Variants in GTF2IRD1 observed in about 807,000 individuals in gnomAD.
GTF2IRD1 encodes the protein general transcription factor II-I repeat domain-containing protein 1.
A neutral mutation model predicts 113.2 loss-of-function variants in GTF2IRD1; 26 were observed. The observed-to-expected ratio is 0.23, with a 90% confidence interval of 0.17 to 0.32. The LOEUF (loss-of-function observed/expected upper bound fraction) is 0.32, where lower values mean the gene tolerates loss of function less well. Among genes scored for constraint, GTF2IRD1 ranks in the 10% least tolerant of loss-of-function variants. The pLI is 1.00. For missense variants in GTF2IRD1, 864 were observed against 1,280.8 expected (o/e 0.67, Z 4.97); for synonymous variants, 484 against 529.1 (o/e 0.91, Z 1.17).
chr7:74,576,469 G>C (rs1382407314), intron 22 of GTF2IRD1, among the ~76,000 whole-genome samples: 7 of 149,322 alleles, frequency 4.7e-5, no homozygotes, highest in Non-Finnish European at 8.9e-5. Context: ...GCTGAGGCAA[G>C]AGAATCCCTT....
At chr7:74,559,527 G>A in intron 21 of GTF2IRD1, 100 bp from the exon 22 acceptor site, 3 of 982,104 alleles carry the variant, frequency 3.1e-6, no homozygotes, top group Non-Finnish European at 3.1e-6. Flanking sequence ...CTGTAGGTCT[G>A]GGGTGCTCCC....
intron 22 of GTF2IRD1, among the ~76,000 whole-genome samples, chr7:74,575,868 A>T (rs1801015511): frequency 1.3e-5 from 2 of 152,102 alleles, no homozygotes; most frequent in Non-Finnish European, 2.9e-5. Context: ...TCATGAATTT[A>T]TAACTGGTAT....
intron 1 of GTF2IRD1, among the ~76,000 whole-genome samples, chr7:74,463,793 G>A (rs942687226): frequency 2.6e-5 from 4 of 151,360 alleles, no homozygotes; most frequent in African/African-American, 7.3e-5. Context: ...GCGTGATCAC[G>A]GCTCACTACA....
chr7:74,590,993 G>A lies in GTF2IRD1; in HGVS notation c.2567G>A (p.Arg856His), dbSNP rs1554369405. The change falls in exon 24 of 27, where the codon CGC becomes CAC. Residue 856 changes from arginine to histidine, a missense_variant. Coordinates refer to ENST00000424337, the MANE Select transcript of GTF2IRD1 (RefSeq NM_005685.4). ...ATCCTGAAGGCCCGAGAGCATGTCC[G>A]CATGGTCATCATTAACCAGCTCCAG... The part of the protein sequence containing the change: ...EKILKAREHV[R>H]MVIINQLQPF... 1.3e-5 allele frequency: 21 copies of A among 1,611,924 alleles called. No individual in the cohort carries two copies. Among genetic ancestry groups the A allele is most frequent in the Middle Eastern group, 1.9e-4 (1 of 5,158 alleles).
At chr7:74,473,075 G>A (rs1554332782) in intron 1 of GTF2IRD1, among the ~76,000 whole-genome samples, 2 of 152,240 alleles carry the variant, frequency 1.3e-5, no homozygotes, top group Non-Finnish European at 2.9e-5. Context: ...CCCAGGGACA[G>A]ACAGGAGAAC....
At chr7:74,522,973 A>G (rs1797378083) in intron 7 of GTF2IRD1, among the ~76,000 whole-genome samples, 1 of 152,220 alleles carries the variant, frequency 6.6e-6, no homozygotes, top group Admixed American at 6.5e-5. Flanking sequence ...AGACCAGCAG[A>G]GCTGAGAGTT....
intron 1 of GTF2IRD1, among the ~76,000 whole-genome samples, chr7:74,489,195 T>G (rs1281073241): frequency 6.6e-6 from 1 of 152,066 alleles, no homozygotes; most frequent in East Asian, 1.9e-4. Flanking sequence ...AGATGGCAGA[T>G]CTGGGGTCAT....
intron 1 of GTF2IRD1, among the ~76,000 whole-genome samples, chr7:74,503,882 A>G (rs1412044802): frequency 6.6e-6 from 1 of 152,112 alleles, no homozygotes; most frequent in Non-Finnish European, 1.5e-5. Flanking sequence ...AGCACCCAAT[A>G]AGTCGTTTTT....
chr7:74,532,772 G>A (rs993241042), intron 9 of GTF2IRD1, among the ~76,000 whole-genome samples: 7 of 152,108 alleles, frequency 4.6e-5, no homozygotes, highest in Non-Finnish European at 4.4e-5. Context: ...TTGCACCCCC[G>A]GCTCTGCCTC....
intron 22 of GTF2IRD1, among the ~76,000 whole-genome samples, chr7:74,579,789 G>A (rs1583944569): frequency 6.6e-6 from 1 of 152,096 alleles, no homozygotes; most frequent in Non-Finnish European, 1.5e-5. Flanking sequence ...TGTTGCCCAG[G>A]CTACATTTTT....
intron 22 of GTF2IRD1, 61 bp downstream of exon 22, chr7:74,559,716 C>T: frequency 2.1e-6 from 3 of 1,425,404 alleles, no homozygotes; most frequent in Non-Finnish European, 2.9e-6. Flanking sequence ...GTGCTGGGGA[C>T]TGGAGCTAAG....
At chr7:74,474,947 T>C (rs1794315188) in intron 1 of GTF2IRD1, among the ~76,000 whole-genome samples, 1 of 151,854 alleles carries the variant, frequency 6.6e-6, no homozygotes, top group Non-Finnish European at 1.5e-5. Flanking sequence ...ACTCCATCTC[T>C]ACAAAAAAAA....
At chr7:74,589,613 G>A (rs1490992217) in intron 22 of GTF2IRD1, among the ~76,000 whole-genome samples, 5 of 151,596 alleles carry the variant, frequency 3.3e-5, no homozygotes, top group South Asian at 2.1e-4. Flanking sequence ...AGGAGAATTC[G>A]CTTGAACCCA....
Position 74,589,910 on chromosome 7 carries a change from C to A in GTF2IRD1, c.2380C>A (p.Leu794Ile). Residue 794 changes from leucine (L) to isoleucine (I), a missense_variant, in exon 23 of 27, where the codon CTC becomes ATC. Coordinates refer to ENST00000424337, the MANE Select transcript of GTF2IRD1 (RefSeq NM_005685.4). Reference sequence around the variant, plus strand: ...GATCCTGCGGGAGCAGGTGAAGGAACTCTTCAACGAGAAATACGGTCAGTG... The same window carrying A: ...GATCCTGCGGGAGCAGGTGAAGGAAATCTTCAACGAGAAATACGGTCAGTG... ...KVILREQVKE[L>I]FNEKYGEALG... The A allele has an allele frequency of 3.1e-6, 5 of 1,608,944 alleles. No homozygotes were observed. Among genetic ancestry groups the A allele is most frequent in the Non-Finnish European group, 4.3e-6 (5 of 1,175,492 alleles).
chr7:74,531,296 G>A (rs991646946), intron 9 of GTF2IRD1, among the ~76,000 whole-genome samples: 4 of 150,012 alleles, frequency 2.7e-5, no homozygotes, highest in Admixed American at 1.3e-4. Context: ...GCTTGAATTC[G>A]GGCGACAGAG....
intron 13 of GTF2IRD1, among the ~76,000 whole-genome samples, chr7:74,539,546 C>A (rs1798503493): frequency 6.6e-6 from 1 of 152,072 alleles, no homozygotes; most frequent in African/African-American, 2.4e-5. Context: ...GAGTTAGAGA[C>A]CAGCCTGGCC....
At chr7:74,597,267 C>A (rs1802474389) in intron 25 of GTF2IRD1, among the ~76,000 whole-genome samples, 1 of 151,756 alleles carries the variant, frequency 6.6e-6, no homozygotes, top group Non-Finnish European at 1.5e-5. Context: ...TGGTCTCGAA[C>A]TCCTGACCTC....
intron 4 of GTF2IRD1, among the ~76,000 whole-genome samples, chr7:74,517,736 T>C (rs1408156776): frequency 6.6e-6 from 1 of 152,198 alleles, no homozygotes; most frequent in Non-Finnish European, 1.5e-5. Flanking sequence ...GCTTTTTCCT[T>C]GCAGCCTGGC....
chr7:74,490,199 C>T (rs1795258663), intron 1 of GTF2IRD1, among the ~76,000 whole-genome samples: 1 of 152,110 alleles, frequency 6.6e-6, no homozygotes, highest in Non-Finnish European at 1.5e-5. Context: ...AACTCCTGGG[C>T]TTGATCCTCC....
Sources: gnomAD v4.1 joint callset for allele counts (sites outside exome capture counted in the v4.1 genomes callset) on GRCh38, gnomAD v4.1.1 for gene constraint, MANE v1.5 for transcripts, NCBI Gene and HGNC (gene_info 2026-07-23, HGNC 2026-07-21) for gene names.